XPR1: variants seen among roughly 807,000 people sequenced by gnomAD.
The protein encoded by XPR1 is solute carrier family 53 member 1.
Under a neutral mutation model 87.5 loss-of-function variants are expected in XPR1, and 28 were observed. That is an observed-to-expected ratio of 0.32 (90% CI 0.24 to 0.44). The LOEUF is 0.44. XPR1 is among the 20% of genes least tolerant of loss of function. The pLI, the probability that XPR1 is intolerant of heterozygous loss-of-function variation, is 1.00. For synonymous variants in XPR1, 300 were observed against 306.1 expected, an observed-to-expected ratio of 0.98 and a Z score of 0.21; for missense variants, 559 against 862.3, an observed-to-expected ratio of 0.65 and a Z score of 4.41.
At chr1:180,800,970 T>TA (rs1236512447) in intron 3 of XPR1, among the ~76,000 whole-genome samples, 1 of 152,230 alleles carries the variant, frequency 6.6e-6, no homozygotes, top group Non-Finnish European at 1.5e-5. Flanking sequence ...TTTTTTCTGT[T>TA]ACATCAATTA....
At chr1:180,634,128 A>G (rs1654687655) in intron 1 of XPR1, among the ~76,000 whole-genome samples, 1 of 152,186 alleles carries the variant, frequency 6.6e-6, no homozygotes, top group Admixed American at 6.5e-5. Context: ...CTCCTCATTC[A>G]CATAGTCCAC....
At chr1:180,789,918 G>A (rs1481449556) in intron 3 of XPR1, among the ~76,000 whole-genome samples, 2 of 152,138 alleles carry the variant, frequency 1.3e-5, no homozygotes, top group Non-Finnish European at 2.9e-5. Flanking sequence ...TGTTGCACCT[G>A]TAACTGTGCC....
chr1:180,826,729 C>T (rs1412973661), intron 9 of XPR1, among the ~76,000 whole-genome samples: 1 of 152,052 alleles, frequency 6.6e-6, no homozygotes. Flanking sequence ...TATAAGTATA[C>T]GTCCTTGAAA....
chr1:180,711,719 G>T (rs1262148881), intron 2 of XPR1, among the ~76,000 whole-genome samples: 1 of 152,126 alleles, frequency 6.6e-6, no homozygotes, highest in South Asian at 2.1e-4. Context: ...TTTTGATGTA[G>T]TCCAATTTAT....
intron 1 of XPR1, among the ~76,000 whole-genome samples, chr1:180,669,088 T>TA (rs747188399): frequency 0.013 from 1,494 of 111,828 alleles, 10 homozygotes; most frequent in African/African-American, 0.024. Context: ...AAACTCTGTC[T>TA]AAAAAAAAAA....
chr1:180,789,753 A>AT (rs1167054063), intron 3 of XPR1, among the ~76,000 whole-genome samples: 1 of 151,876 alleles, frequency 6.6e-6, no homozygotes, highest in African/African-American at 2.4e-5. Context: ...CATTTTAACC[A>AT]TTTTGACCCC....
intron 2 of XPR1, among the ~76,000 whole-genome samples, chr1:180,717,707 A>G (rs2101992968): frequency 6.6e-6 from 1 of 152,328 alleles, no homozygotes; most frequent in East Asian, 1.9e-4. Context: ...ACTGTCTCAC[A>G]CAAGATTATG....
rs1227735975 is a variant in XPR1 at position 180,873,928 on chromosome 1, A to G, written c.1794A>G (p.Pro598=). The change falls in exon 13 of 15, where the codon CCA becomes CCG. Residue 598 remains proline (P), a synonymous_variant. Transcript: ENST00000367590. The part of the protein sequence containing the change: ...SGDIIATVFA[P]LEVFRRFVWN... ...ACATCATTGCTACTGTCTTTGCCCCACTTGAGGTTTTCCGGTAAGCAAACT... is the reference window on the plus strand; with the variant it reads ...ACATCATTGCTACTGTCTTTGCCCCGCTTGAGGTTTTCCGGTAAGCAAACT... The G allele has an allele frequency of 5.0e-6, 8 of 1,612,772 alleles. No individual in the cohort carries two copies. Among genetic ancestry groups the G allele is most frequent in the Non-Finnish European group, 5.9e-6 (7 of 1,179,626 alleles).
At chr1:180,755,079 A>G (rs1246178811) in intron 2 of XPR1, among the ~76,000 whole-genome samples, 1 of 152,212 alleles carries the variant, frequency 6.6e-6, no homozygotes, top group Non-Finnish European at 1.5e-5. Flanking sequence ...AACTAGAATG[A>G]ACCCTAATGG....
chr1:180,764,314 T>G (rs1396462071), intron 2 of XPR1, among the ~76,000 whole-genome samples: 1 of 152,198 alleles, frequency 6.6e-6, no homozygotes. Flanking sequence ...ACTTAGATTT[T>G]ATTTCCAAGA....
intron 2 of XPR1, among the ~76,000 whole-genome samples, chr1:180,722,991 C>A (rs1658224068): frequency 6.6e-6 from 1 of 152,148 alleles, no homozygotes; most frequent in Non-Finnish European, 1.5e-5. Flanking sequence ...CAGGTGTCCA[C>A]TATATATTAG....
chr1:180,650,422 CAG>C (rs532568825), intron 1 of XPR1, among the ~76,000 whole-genome samples: 94 of 152,274 alleles, frequency 6.2e-4, no homozygotes, highest in African/African-American at 2.1e-3. Context: ...TTTGATTGAA[CAG>C]AGTTATTCGA....
chr1:180,778,081 A>G (rs1374398168), intron 2 of XPR1, among the ~76,000 whole-genome samples: 3 of 152,118 alleles, frequency 2.0e-5, no homozygotes, highest in Non-Finnish European at 4.4e-5. Context: ...CCCAGGCTAA[A>G]GCCATCCTCC....
Position 180,886,156 on chromosome 1 carries a change from A to G in XPR1, c.*2090A>G, listed in dbSNP as rs1022322063. The G allele has an allele frequency of 6.6e-6, 1 of 152,232 alleles. No individual in the cohort carries two copies. Among genetic ancestry groups the G allele is most frequent in the African/African-American group, 2.4e-5 (1 of 41,464 alleles). 9.4% of individuals were successfully genotyped at this position (152,232 alleles called of 1,614,324 possible). A position where few individuals can be genotyped will look rare whatever the true frequency, so the allele number is the denominator to read the frequency against. On this transcript the variant is annotated 3_prime_UTR_variant, in exon 15 of 15. Transcript: ENST00000367590. ...TGTTAACAATTTAGTGACCCTTGGT[A>G]GGTTAAAGGTTGCATTATTTATACT... is the stretch of plus-strand genomic sequence containing the variant.
chr1:180,682,292 A>G (rs1656602294), intron 1 of XPR1, 68 bp from the exon 2 acceptor site: 2 of 1,285,162 alleles, frequency 1.6e-6, no homozygotes, highest in Non-Finnish European at 2.1e-6. Flanking sequence ...AGAACTGTTT[A>G]GCTTCAGATA....
intron 1 of XPR1, among the ~76,000 whole-genome samples, chr1:180,635,582 G>T (rs183268317): frequency 9.2e-5 from 14 of 152,088 alleles, no homozygotes; most frequent in African/African-American, 2.9e-4. Context: ...AAAATAACAA[G>T]GTTTCTAAAT....
At chr1:180,817,136 T>C (rs772729475) in intron 7 of XPR1, among the ~76,000 whole-genome samples, 1 of 152,098 alleles carries the variant, frequency 6.6e-6, no homozygotes, top group African/African-American at 2.4e-5. Context: ...AAAAAGTTTA[T>C]AGAATAAGGA....
intron 2 of XPR1, among the ~76,000 whole-genome samples, chr1:180,706,853 C>T (rs1322236375): frequency 2.6e-5 from 4 of 152,050 alleles, no homozygotes; most frequent in African/African-American, 7.2e-5. Context: ...CTCCTGACCT[C>T]GTGATCTGCC....
chr1:180,830,222 T>A (rs1001830704), intron 9 of XPR1, among the ~76,000 whole-genome samples: 29 of 152,188 alleles, frequency 1.9e-4, no homozygotes, highest in Admixed American at 1.8e-3. Context: ...ACAGTCCCCC[T>A]CTTCCTCACA....
Sources: allele counts gnomAD v4.1 joint callset (sites outside exome capture counted in the v4.1 genomes callset), GRCh38; gene constraint gnomAD v4.1.1; transcripts MANE v1.5; gene names NCBI Gene and HGNC (gene_info 2026-07-23, HGNC 2026-07-21).